The following TMEM272 variants were observed in gnomAD, a reference collection of about 807,000 sequenced individuals.
The protein encoded by TMEM272 is transmembrane protein 272.
TMEM272 carries 8 observed loss-of-function variants against 3.7 expected under a neutral mutation model. The observed-to-expected ratio is 2.17, with a 90% CI of 1.27 to 3.91. The LOEUF (loss-of-function observed/expected upper bound fraction) is 3.91, where lower values mean the gene tolerates loss of function less well. TMEM272 is among the 30% of genes most tolerant of loss of function. TMEM272 has a pLI of 0.00. For synonymous variants in TMEM272, 63 were observed against 39.8 expected (o/e 1.58, Z -2.20); for missense variants, 166 against 91.5 (o/e 1.81, Z -3.32).
At chr13:51,896,577 C>T in the TMEM272 span, among the ~76,000 whole-genome samples, 1 of 152,116 alleles carries the variant, frequency 6.6e-6, no homozygotes, top group Admixed American at 6.5e-5. Context: ...TGCACCCAGC[C>T]GGATGCCCTG....
chr13:51,895,506 A>G, the TMEM272 span, among the ~76,000 whole-genome samples: 1 of 152,142 alleles, frequency 6.6e-6, no homozygotes, highest in African/African-American at 2.4e-5. Context: ...TAGCCCTGAA[A>G]AGAACTCTGG....
chr13:51,863,817 T>C, the TMEM272 span, among the ~76,000 whole-genome samples: 1 of 152,024 alleles, frequency 6.6e-6, no homozygotes, highest in Non-Finnish European at 1.5e-5. Context: ...GGATGATGGG[T>C]TGGTGAGATC....
At chr13:51,926,902 TAAAAC>T in the TMEM272 span, among the ~76,000 whole-genome samples, 1 of 152,038 alleles carries the variant, frequency 6.6e-6, no homozygotes, top group African/African-American at 2.4e-5. Flanking sequence ...AATAAAATAA[TAAAAC>T]AAACATATAT....
At chr13:51,891,650 T>C in the TMEM272 span, among the ~76,000 whole-genome samples, 1 of 152,142 alleles carries the variant, frequency 6.6e-6, no homozygotes, top group Admixed American at 6.5e-5. Context: ...TTTTCCTCAG[T>C]GACATGACAT....
At chr13:51,826,957 G>A (rs1037078842) in intron 2 of TMEM272, among the ~76,000 whole-genome samples, 18 of 152,284 alleles carry the variant, frequency 1.2e-4, no homozygotes, top group African/African-American at 3.4e-4. Context: ...AGAAGCTGCC[G>A]GCATCCACTG....
chr13:51,917,693 G>T, the TMEM272 span, among the ~76,000 whole-genome samples: 1 of 152,196 alleles, frequency 6.6e-6, no homozygotes, highest in Non-Finnish European at 1.5e-5. Flanking sequence ...GGCAAGTTAA[G>T]TTACTTAACA....
the TMEM272 span, among the ~76,000 whole-genome samples, chr13:51,868,573 T>C: frequency 3.9e-5 from 6 of 152,232 alleles, no homozygotes; most frequent in Admixed American, 6.5e-5. Flanking sequence ...CAAATGCAGA[T>C]AGATTTCTCC....
At chr13:51,856,056 C>T in the TMEM272 span, among the ~76,000 whole-genome samples, 1 of 152,134 alleles carries the variant, frequency 6.6e-6, no homozygotes, top group Non-Finnish European at 1.5e-5. Flanking sequence ...TTCTTGAGCT[C>T]AGAGGTTAGA....
chr13:51,899,320 TG>T, the TMEM272 span, among the ~76,000 whole-genome samples: 1 of 148,970 alleles, frequency 6.7e-6, no homozygotes, highest in Admixed American at 6.7e-5. Flanking sequence ...ATAATCACAC[TG>T]TATCCCATAA....
the TMEM272 span, among the ~76,000 whole-genome samples, chr13:51,871,759 T>C: frequency 6.6e-5 from 10 of 151,386 alleles, no homozygotes; most frequent in Non-Finnish European, 1.5e-4. Context: ...TAATTTGTTA[T>C]GCAAAAATAG....
the TMEM272 span, among the ~76,000 whole-genome samples, chr13:51,930,131 C>CA: frequency 6.6e-6 from 1 of 151,972 alleles, no homozygotes; most frequent in Non-Finnish European, 1.5e-5. Flanking sequence ...TTGCCTTCCC[C>CA]CCCCCCACTT....
the TMEM272 span, among the ~76,000 whole-genome samples, chr13:51,859,269 A>G: frequency 6.6e-6 from 1 of 152,110 alleles, no homozygotes. Context: ...AATAACTGAA[A>G]AAGAAAAACT....
chr13:51,833,607 C>A (rs1375976977), intron 2 of TMEM272, among the ~76,000 whole-genome samples: 1 of 151,782 alleles, frequency 6.6e-6, no homozygotes, highest in African/African-American at 2.4e-5. Context: ...GAGGCACTGA[C>A]GGAAATGTGA....
At chr13:51,853,287 G>A in the TMEM272 span, among the ~76,000 whole-genome samples, 3 of 152,154 alleles carry the variant, frequency 2.0e-5, no homozygotes, top group African/African-American at 7.2e-5. Context: ...GCGCATGCCA[G>A]TAGTCCCAGC....
At chr13:51,893,607 G>A in the TMEM272 span, among the ~76,000 whole-genome samples, 2 of 151,874 alleles carry the variant, frequency 1.3e-5, no homozygotes, top group Non-Finnish European at 1.5e-5. Flanking sequence ...GGCTCACACC[G>A]TATGCGCTTC....
At chr13:51,908,889 C>G in the TMEM272 span, 1 of 1,417,822 alleles carries the variant, frequency 7.1e-7, no homozygotes. Flanking sequence ...ATCAGTAAAC[C>G]TATCACAGCT....
the TMEM272 span, among the ~76,000 whole-genome samples, chr13:51,897,274 C>T: frequency 1.7e-4 from 26 of 151,616 alleles, no homozygotes; most frequent in African/African-American, 6.3e-4. Context: ...TCATGACTCA[C>T]TGTAGCCCTG....
the TMEM272 span, among the ~76,000 whole-genome samples, chr13:51,915,313 T>C: frequency 1.5e-4 from 23 of 152,244 alleles, no homozygotes; most frequent in Non-Finnish European, 2.8e-4. Context: ...ACTCATTAGA[T>C]ACAGCACTAC....
At chr13:51,838,892 A>G (rs904816395) in intron 1 of TMEM272, among the ~76,000 whole-genome samples, 5 of 152,062 alleles carry the variant, frequency 3.3e-5, no homozygotes, top group Admixed American at 3.3e-4. Flanking sequence ...TAAATAGGTC[A>G]TCTCATATTT....
Sources: allele counts gnomAD v4.1 joint callset (sites outside exome capture counted in the v4.1 genomes callset), GRCh38; gene constraint gnomAD v4.1.1; transcripts MANE v1.5; gene names NCBI Gene and HGNC (gene_info 2026-07-23, HGNC 2026-07-21).